The following BMPR1B variants were observed in gnomAD, a reference collection of about 807,000 sequenced individuals.
BMPR1B encodes the protein bone morphogenetic protein receptor type-1B.
A neutral mutation model predicts 59.1 loss-of-function variants in BMPR1B; 12 were observed. The ratio of observed to expected loss-of-function variants is 0.20; its 90% confidence interval spans 0.13 to 0.33. The LOEUF (loss-of-function observed/expected upper bound fraction) is 0.33. BMPR1B is among the 10% of genes least tolerant of loss of function. The pLI, the probability that BMPR1B is intolerant of heterozygous loss-of-function variation, is 1.00. For synonymous variants in BMPR1B, 237 were observed against 207.3 expected, an observed-to-expected ratio of 1.14 and a Z score of -1.23; for missense variants, 550 against 610.9, an observed-to-expected ratio of 0.90 and a Z score of 1.05.
chr4:95,071,504 A>G (rs1728270279), intron 3 of BMPR1B, among the ~76,000 whole-genome samples: 1 of 151,886 alleles, frequency 6.6e-6, no homozygotes. Context: ...TTTGCAGTAC[A>G]CTAAGAAGAT....
At chr4:94,785,500 A>T (rs180942506) in intron 1 of BMPR1B, among the ~76,000 whole-genome samples, 1 of 152,306 alleles carries the variant, frequency 6.6e-6, no homozygotes, top group East Asian at 1.9e-4. Context: ...AAAGACATGT[A>T]GCTGTTGCAT....
At chr4:94,959,610 G>A (rs1044754610) in intron 2 of BMPR1B, among the ~76,000 whole-genome samples, 3 of 151,986 alleles carry the variant, frequency 2.0e-5, no homozygotes, top group Non-Finnish European at 4.4e-5. Context: ...TCTTTATAAG[G>A]ACAGCATTTT....
chr4:95,010,602 C>A (rs531486959), intron 3 of BMPR1B, among the ~76,000 whole-genome samples: 1 of 152,108 alleles, frequency 6.6e-6, no homozygotes, highest in Non-Finnish European at 1.5e-5. Context: ...ATTGCTTGGC[C>A]GTATGAAAAT....
At chr4:94,912,220 G>T (rs914189592) in intron 2 of BMPR1B, among the ~76,000 whole-genome samples, 5 of 152,128 alleles carry the variant, frequency 3.3e-5, no homozygotes, top group African/African-American at 1.2e-4. Flanking sequence ...TGGGAATTAT[G>T]GGAGTACAAT....
intron 2 of BMPR1B, among the ~76,000 whole-genome samples, chr4:94,974,904 A>G (rs546890012): frequency 1.3e-5 from 2 of 152,316 alleles, no homozygotes; most frequent in East Asian, 3.9e-4. Context: ...AGAGAAATGA[A>G]CCGTAAAGGG....
chr4:94,935,508 T>TA (rs1729259165), intron 2 of BMPR1B, among the ~76,000 whole-genome samples: 1 of 152,104 alleles, frequency 6.6e-6, no homozygotes, highest in African/African-American at 2.4e-5. Context: ...AAGTCACACT[T>TA]AAAGTAAACA....
intron 3 of BMPR1B, among the ~76,000 whole-genome samples, chr4:95,035,539 C>G (rs1017441701): frequency 6.6e-6 from 1 of 152,106 alleles, no homozygotes; most frequent in Non-Finnish European, 1.5e-5. Context: ...ATAGGGTGTT[C>G]TTTCCCCCAC....
At chr4:94,766,076 A>G (rs1189669514) in intron 1 of BMPR1B, among the ~76,000 whole-genome samples, 1 of 152,232 alleles carries the variant, frequency 6.6e-6, no homozygotes, top group Non-Finnish European at 1.5e-5. Context: ...ATAGGTACAT[A>G]GTAAACACAA....
intron 6 of BMPR1B, among the ~76,000 whole-genome samples, chr4:95,118,788 C>T (rs960260720): frequency 1.5e-4 from 23 of 152,184 alleles, no homozygotes; most frequent in African/African-American, 5.3e-4. Flanking sequence ...ACATGACCAG[C>T]GTGACCAGCA....
chr4:94,888,859 G>C (rs1727282868), intron 2 of BMPR1B, among the ~76,000 whole-genome samples: 1 of 151,804 alleles, frequency 6.6e-6, no homozygotes, highest in Non-Finnish European at 1.5e-5. Flanking sequence ...AATATATCAT[G>C]ATATATCATA....
intron 1 of BMPR1B, among the ~76,000 whole-genome samples, chr4:94,770,041 T>C (rs996839577): frequency 5.3e-5 from 8 of 152,122 alleles, no homozygotes; most frequent in African/African-American, 7.2e-5. Context: ...GTATGTAGAG[T>C]CTTCACATCT....
At chr4:95,071,624 ATGTGTGTTTGTGTG>A (rs1427844948) in intron 3 of BMPR1B, among the ~76,000 whole-genome samples, 2 of 124,130 alleles carry the variant, frequency 1.6e-5, no homozygotes, top group African/African-American at 6.4e-5. Context: ...ATGAATATAT[ATGTGTGTTTGTGTG>A]TGTGTGTGTG....
intron 2 of BMPR1B, among the ~76,000 whole-genome samples, chr4:94,920,103 A>G (rs1728633043): frequency 6.6e-6 from 1 of 152,178 alleles, no homozygotes; most frequent in African/African-American, 2.4e-5. Context: ...TATGATATTT[A>G]AAAATGGATA....
chr4:94,785,304 AATT>A (rs1419457696), intron 1 of BMPR1B, among the ~76,000 whole-genome samples: 1 of 152,164 alleles, frequency 6.6e-6, no homozygotes, highest in Non-Finnish European at 1.5e-5. Flanking sequence ...AGGCAAAACT[AATT>A]ATAATCAGTG....
chr4:95,017,462 T>C (rs1419373704), intron 3 of BMPR1B, among the ~76,000 whole-genome samples: 1 of 152,224 alleles, frequency 6.6e-6, no homozygotes, highest in Non-Finnish European at 1.5e-5. Context: ...GTGTGGGCCA[T>C]ATGGGGCCTG....
intron 3 of BMPR1B, among the ~76,000 whole-genome samples, chr4:95,009,427 G>T (rs2149121286): frequency 6.6e-6 from 1 of 152,126 alleles, no homozygotes; most frequent in South Asian, 2.1e-4. Context: ...TTATACAGTG[G>T]AATTAACATA....
At chr4:95,000,686 G>C (rs1407111669) in intron 3 of BMPR1B, among the ~76,000 whole-genome samples, 1 of 152,086 alleles carries the variant, frequency 6.6e-6, no homozygotes. Flanking sequence ...CCAAGTTCCT[G>C]TTAGCCAGTG....
intron 2 of BMPR1B, among the ~76,000 whole-genome samples, chr4:94,967,869 T>C (rs1433418078): frequency 6.6e-6 from 1 of 152,210 alleles, no homozygotes; most frequent in Non-Finnish European, 1.5e-5. Flanking sequence ...AAGAATACGC[T>C]ATTCATGTCA....
At chr4:94,978,381 G>T (rs1340798963) in intron 2 of BMPR1B, among the ~76,000 whole-genome samples, 1 of 152,184 alleles carries the variant, frequency 6.6e-6, no homozygotes, top group Non-Finnish European at 1.5e-5. Flanking sequence ...ACAGTGACAG[G>T]CTGAATCAGC....
Sources: allele counts gnomAD v4.1 joint callset (sites outside exome capture counted in the v4.1 genomes callset), GRCh38; gene constraint gnomAD v4.1.1; transcripts MANE v1.5; gene names NCBI Gene and HGNC (gene_info 2026-07-23, HGNC 2026-07-21).